Variants in TAFA5 observed in about 807,000 individuals in gnomAD.
TAFA5 encodes TAFA chemokine like family member 5.
In TAFA5, 6 loss-of-function variants were observed where a neutral mutation model predicts 15.3. The ratio of observed to expected loss-of-function variants is 0.39; its 90% CI spans 0.21 to 0.77. The LOEUF is 0.77. TAFA5 is among the 30% of genes least tolerant of loss of function. TAFA5 has a pLI of 0.41. For missense variants in TAFA5, 161 were observed against 193.1 expected (o/e 0.83, Z 0.98); for synonymous variants, 103 against 80.7 (o/e 1.28, Z -1.48).
At chr22:48,565,870 G>A (rs1923390156) in intron 1 of TAFA5, among the ~76,000 whole-genome samples, 1 of 152,170 alleles carries the variant, frequency 6.6e-6, no homozygotes, top group Admixed American at 6.5e-5. Context: ...ATGGACTGAT[G>A]GTAGACAAAT....
chr22:48,551,785 C>T (rs183082150), intron 1 of TAFA5, among the ~76,000 whole-genome samples: 27 of 152,290 alleles, frequency 1.8e-4, no homozygotes, highest in African/African-American at 6.5e-4. Flanking sequence ...CCCAAAGACC[C>T]TTCTCCAGGA....
At chr22:48,657,882 G>A (rs5771902) in intron 2 of TAFA5, among the ~76,000 whole-genome samples, 93,901 of 152,030 alleles carry the variant, frequency 0.62, 29,812 homozygotes, top group East Asian at 0.88. Flanking sequence ...GGACGCTGCC[G>A]CTCTTGAACC....
At chr22:48,660,547 G>C (rs973455248) in intron 2 of TAFA5, among the ~76,000 whole-genome samples, 1 of 152,178 alleles carries the variant, frequency 6.6e-6, no homozygotes, top group African/African-American at 2.4e-5. Context: ...TAAAATGCCC[G>C]GCAGCCCCCT....
At chr22:48,738,527 G>GC (rs1398411561) in intron 3 of TAFA5, among the ~76,000 whole-genome samples, 4 of 152,170 alleles carry the variant, frequency 2.6e-5, no homozygotes, top group Admixed American at 2.0e-4. Flanking sequence ...CTTGTACAGA[G>GC]CCCCCCAGCT....
intron 2 of TAFA5, among the ~76,000 whole-genome samples, chr22:48,706,855 A>G (rs132231): frequency 0.66 from 100,114 of 152,176 alleles, 33,468 homozygotes; most frequent in Non-Finnish European, 0.72. Context: ...ATCAGCTTTT[A>G]CTCCGCCATG....
At chr22:48,719,613 G>A (rs1293839371) in intron 3 of TAFA5, among the ~76,000 whole-genome samples, 2 of 152,236 alleles carry the variant, frequency 1.3e-5, no homozygotes, top group Non-Finnish European at 2.9e-5. Flanking sequence ...AAAGAAGGCT[G>A]AGGCTTAAAC....
At chr22:48,586,200 A>G (rs1029317930) in intron 1 of TAFA5, among the ~76,000 whole-genome samples, 4 of 152,230 alleles carry the variant, frequency 2.6e-5, no homozygotes, top group African/African-American at 9.6e-5. Context: ...ATCCCAGAGG[A>G]TAGCAGGACA....
chr22:48,575,002 G>A (rs896727786), intron 1 of TAFA5, among the ~76,000 whole-genome samples: 3 of 152,156 alleles, frequency 2.0e-5, no homozygotes, highest in Non-Finnish European at 4.4e-5. Context: ...TACACAGTAG[G>A]GGCAGGTGTG....
intron 2 of TAFA5, among the ~76,000 whole-genome samples, chr22:48,679,805 T>C (rs2147229326): frequency 6.6e-6 from 1 of 150,894 alleles, no homozygotes; most frequent in East Asian, 2.0e-4. Flanking sequence ...CTGGTGTGGC[T>C]GAAGATGTGT....
intron 1 of TAFA5, among the ~76,000 whole-genome samples, chr22:48,574,714 A>G (rs1458724557): frequency 6.6e-6 from 1 of 152,178 alleles, no homozygotes; most frequent in Non-Finnish European, 1.5e-5. Flanking sequence ...GTCATTTGAA[A>G]TTGAATTTCA....
intron 1 of TAFA5, among the ~76,000 whole-genome samples, chr22:48,565,853 C>T (rs141224847): frequency 1.4e-4 from 22 of 152,138 alleles, no homozygotes; most frequent in African/African-American, 4.6e-4. Flanking sequence ...GATGGGTGGA[C>T]GGATGGATGG....
intron 2 of TAFA5, among the ~76,000 whole-genome samples, chr22:48,686,690 G>T (rs2063291399): frequency 6.6e-6 from 1 of 151,850 alleles, no homozygotes; most frequent in African/African-American, 2.4e-5. Flanking sequence ...TAGATTGATA[G>T]AAAGTGGATA....
At chr22:48,688,164 G>A (rs765051818) in intron 2 of TAFA5, among the ~76,000 whole-genome samples, 35 of 151,704 alleles carry the variant, frequency 2.3e-4, no homozygotes, top group African/African-American at 7.5e-4. Flanking sequence ...TTGCACTGGC[G>A]CACCCTTCAT....
chr22:48,717,189 C>T (rs747861223), intron 3 of TAFA5, among the ~76,000 whole-genome samples: 86 of 152,346 alleles, frequency 5.6e-4, no homozygotes, highest in Non-Finnish European at 9.7e-4. Flanking sequence ...TGGGCAAAGA[C>T]GCCCACAGCA....
rs1307732430 is a variant in TAFA5 at position 48,594,584 on chromosome 22, T to TGAG, written c.113-52013_113-52012insGAG. Among the ~76,000 whole-genome samples, 559 of 152,246 alleles carry TGAG rather than the reference T, an allele frequency of 3.7e-3. 5 individuals are homozygous for TGAG. The highest frequency in any genetic ancestry group is 0.013 in the African/African-American group (537 of 41,536). ...CCTCAGAGCAGCCCCGGTGTGATGATCCCCATAGGCTCATGCTCCCGTCGG... is the reference window on the plus strand; with the variant it reads ...CCTCAGAGCAGCCCCGGTGTGATGATGAGCCCCATAGGCTCATGCTCCCGTCGG... On this transcript the variant is annotated intron_variant, in intron 1 of 3. Transcript: ENST00000402357.
At chr22:48,629,525 G>C (rs910962759) in intron 1 of TAFA5, among the ~76,000 whole-genome samples, 1 of 152,188 alleles carries the variant, frequency 6.6e-6, no homozygotes, top group Non-Finnish European at 1.5e-5. Context: ...GCCTAGAAAC[G>C]GTCTGAAAGG....
At position 48,530,663 on chromosome 22, in the gene TAFA5, C is replaced by T. The variant is rs73423832; in HGVS notation, c.112+40959C>T. Among the ~76,000 whole-genome samples, 5,593 of 152,110 alleles carry T rather than the reference C, an allele frequency of 0.037. 349 individuals carry two copies. The highest frequency in any genetic ancestry group is 0.13 in the African/African-American group (5,329 of 41,448). On this transcript the variant is annotated intron_variant, in intron 1 of 3. Coordinates refer to ENST00000402357, the MANE Select transcript of TAFA5 (RefSeq NM_001082967.3). The surrounding 1 kb of genome is among the most constrained non-coding windows in gnomAD (Gnocchi z 6.0). ...TGGCGACCCTCCTCCAATGGGCTCCCGTCTTTCCTGTCCAACTGTCCATGT... is the reference window on the plus strand; with the variant it reads ...TGGCGACCCTCCTCCAATGGGCTCCTGTCTTTCCTGTCCAACTGTCCATGT...
intron 1 of TAFA5, among the ~76,000 whole-genome samples, chr22:48,615,885 C>T (rs1397498572): frequency 6.6e-6 from 1 of 152,210 alleles, no homozygotes; most frequent in Non-Finnish European, 1.5e-5. Context: ...AGGCCTTGCC[C>T]CTCCAATGGC....
At chr22:48,629,141 G>A (rs1926126280) in intron 1 of TAFA5, among the ~76,000 whole-genome samples, 1 of 152,104 alleles carries the variant, frequency 6.6e-6, no homozygotes, top group Admixed American at 6.5e-5. Flanking sequence ...CTCCCCTCGA[G>A]GTGGACTCCA....
Sources: allele counts gnomAD v4.1 joint callset (sites outside exome capture counted in the v4.1 genomes callset), GRCh38; gene constraint gnomAD v4.1.1; non-coding constraint Gnocchi (gnomAD v3.1); transcripts MANE v1.5; gene names NCBI Gene and HGNC (gene_info 2026-07-23, HGNC 2026-07-21).